The following CAB39 variants were observed in gnomAD, a reference collection of about 807,000 sequenced individuals.
The protein encoded by CAB39 is calcium binding protein 39.
CAB39 carries 8 observed loss-of-function variants against 40.0 expected under a neutral mutation model. The observed-to-expected ratio is 0.20, with a 90% CI of 0.12 to 0.36. CAB39 has a LOEUF of 0.36. Among genes scored for constraint, CAB39 ranks in the 10% least tolerant of loss-of-function variants. The pLI is 1.00. For synonymous variants in CAB39, 156 were observed against 141.6 expected, an observed-to-expected ratio of 1.10 and a Z score of -0.72; for missense variants, 270 against 401.1, an observed-to-expected ratio of 0.67 and a Z score of 2.79.
chr2:230,790,832 T>A (rs760554831), intron 2 of CAB39, 40 bp from the exon 3 acceptor site: 4 of 1,535,272 alleles, frequency 2.6e-6, no homozygotes, highest in East Asian at 2.2e-5. Context: ...TAAAATGAAT[T>A]GTTTTTTCTC....
chr2:230,777,362 GTT>G (rs544926190), intron 2 of CAB39, among the ~76,000 whole-genome samples: 9 of 123,482 alleles, frequency 7.3e-5, no homozygotes, highest in African/African-American at 2.0e-4. Context: ...TGTTTTTTTT[GTT>G]TTTTTTTTTT....
chr2:230,798,553 T>C (rs1036663285), intron 4 of CAB39, among the ~76,000 whole-genome samples, 176 bp from the exon 5 acceptor site: 4 of 152,236 alleles, frequency 2.6e-5, no homozygotes, highest in African/African-American at 7.2e-5. Context: ...CTGGAGTCAG[T>C]TTACCTGAGC....
chr2:230,804,427 G>A (rs1243315899), intron 5 of CAB39, among the ~76,000 whole-genome samples: 1 of 152,126 alleles, frequency 6.6e-6, no homozygotes, highest in Non-Finnish European at 1.5e-5. Flanking sequence ...CTTCTGCACA[G>A]CAAAAGAAAC....
At chr2:230,783,378 ATT>A (rs1217382111) in intron 2 of CAB39, among the ~76,000 whole-genome samples, 1 of 151,918 alleles carries the variant, frequency 6.6e-6, no homozygotes, top group Non-Finnish European at 1.5e-5. Flanking sequence ...AACTGCAGTT[ATT>A]TTTTCACATC....
At chr2:230,724,362 G>A (rs1021676863) in intron 1 of CAB39, among the ~76,000 whole-genome samples, 2 of 151,960 alleles carry the variant, frequency 1.3e-5, no homozygotes, top group Non-Finnish European at 2.9e-5. Context: ...TTTAGCACAG[G>A]TATGTTAGCT....
intron 2 of CAB39, among the ~76,000 whole-genome samples, chr2:230,772,982 T>TA (rs10713369): frequency 1.2e-3 from 136 of 115,036 alleles, no homozygotes; most frequent in African/African-American, 2.7e-3. Flanking sequence ...TACTCAGCAA[T>TA]AAAAAAAAAA....
At chr2:230,800,738 G>C (rs938667106) in intron 5 of CAB39, among the ~76,000 whole-genome samples, 1 of 152,156 alleles carries the variant, frequency 6.6e-6, no homozygotes, top group African/African-American at 2.4e-5. Context: ...CCCTGACCCC[G>C]TCAGGATGTG....
chr2:230,767,379 T>G (rs370703734), intron 2 of CAB39, among the ~76,000 whole-genome samples: 4 of 152,254 alleles, frequency 2.6e-5, no homozygotes, highest in Non-Finnish European at 4.4e-5. Flanking sequence ...TTGTTCCCAC[T>G]GAGCTGTCCT....
chr2:230,730,415 C>T (rs1490479362), intron 1 of CAB39, among the ~76,000 whole-genome samples: 1 of 150,876 alleles, frequency 6.6e-6, no homozygotes, highest in Non-Finnish European at 1.5e-5. Flanking sequence ...GGGAGAATGA[C>T]TAAAAACTAT....
chr2:230,714,852 AAGC>A (rs1342010454), intron 1 of CAB39, among the ~76,000 whole-genome samples: 2 of 152,232 alleles, frequency 1.3e-5, no homozygotes, highest in Non-Finnish European at 2.9e-5. Flanking sequence ...CGATCTGTGA[AAGC>A]AGCTTAGGGC....
At chr2:230,727,468 G>A (rs949108488) in intron 1 of CAB39, among the ~76,000 whole-genome samples, 3 of 147,644 alleles carry the variant, frequency 2.0e-5, no homozygotes, top group African/African-American at 7.6e-5. Context: ...ACGCTGGAGT[G>A]CGGTGGCGCA....
chr2:230,809,059 G>T (rs1184523984), intron 5 of CAB39, among the ~76,000 whole-genome samples: 1 of 152,174 alleles, frequency 6.6e-6, no homozygotes, highest in African/African-American at 2.4e-5. Flanking sequence ...TTTTGTGCTG[G>T]TGACCAATCA....
rs952768519 is a variant in CAB39 at position 230,774,192 on chromosome 2, C to T, written c.114+14077C>T. Among the ~76,000 whole-genome samples, 36 of 152,152 alleles carry T rather than the reference C, an allele frequency of 2.4e-4. 1 individual carries two copies. Among genetic ancestry groups the T allele is most frequent in the Admixed American group, 7.2e-4 (11 of 15,278 alleles). ...CATGGTAAAATTATGCCTTTTTCCA[C>T]TTTATTCATTATGTCCCTGGGCTTT... On this transcript the variant is annotated intron_variant, in intron 2 of 8. Transcript: ENST00000258418.
chr2:230,719,517 C>T (rs1694409068), intron 1 of CAB39, among the ~76,000 whole-genome samples: 1 of 152,106 alleles, frequency 6.6e-6, no homozygotes, highest in Non-Finnish European at 1.5e-5. Flanking sequence ...ATTATAAATG[C>T]TTTCGTTGTA....
chr2:230,808,574 C>T (rs532191315), intron 5 of CAB39, among the ~76,000 whole-genome samples: 1 of 152,312 alleles, frequency 6.6e-6, no homozygotes, highest in East Asian at 1.9e-4. Context: ...TCTTCTTCTC[C>T]TTCCCCTGGA....
chr2:230,728,036 C>T (rs553623301), intron 1 of CAB39, among the ~76,000 whole-genome samples: 13 of 152,012 alleles, frequency 8.6e-5, no homozygotes, highest in African/African-American at 2.9e-4. Context: ...GTCAGGAGTT[C>T]AAGACCAGCC....
chr2:230,781,391 G>A (rs1316684605), intron 2 of CAB39, among the ~76,000 whole-genome samples: 3 of 152,140 alleles, frequency 2.0e-5, no homozygotes, highest in Admixed American at 6.5e-5. Context: ...CTTTGAAGTC[G>A]AATGACATGG....
chr2:230,748,894 A>G (rs1183736785), intron 1 of CAB39, among the ~76,000 whole-genome samples: 1 of 127,590 alleles, frequency 7.8e-6, no homozygotes, highest in African/African-American at 2.7e-5. Context: ...TTTCCTATCC[A>G]CACTTATTAG....
At chr2:230,729,626 G>A (rs1041936228) in intron 1 of CAB39, among the ~76,000 whole-genome samples, 1 of 151,866 alleles carries the variant, frequency 6.6e-6, no homozygotes, top group Non-Finnish European at 1.5e-5. Context: ...GGTGGCATGT[G>A]CCTGTAATCC....
Sources: allele counts gnomAD v4.1 joint callset (sites outside exome capture counted in the v4.1 genomes callset), GRCh38; gene constraint gnomAD v4.1.1; transcripts MANE v1.5; gene names NCBI Gene and HGNC (gene_info 2026-07-23, HGNC 2026-07-21).